SNTG2: variants seen among roughly 807,000 people sequenced by gnomAD.
SNTG2 encodes the protein gamma-2-syntrophin.
SNTG2 carries 74 observed loss-of-function variants against 70.9 expected under a neutral mutation model. That is an observed-to-expected ratio of 1.04 (90% CI 0.86 to 1.27). The LOEUF (loss-of-function observed/expected upper bound fraction) is 1.27. Ranked by LOEUF, SNTG2 falls within the 50% of genes most tolerant of loss-of-function variation. The pLI is 0.00. For missense variants in SNTG2, 717 were observed against 690.7 expected (o/e 1.04, Z -0.43); for synonymous variants, 278 against 273.8 (o/e 1.02, Z -0.15).
intron 16 of SNTG2, chr2:1,340,974 T>C (rs570268040): frequency 1.3e-5 from 2 of 152,242 alleles, no homozygotes; most frequent in Non-Finnish European, 2.9e-5. Context: ...TGCCAGAGTT[T>C]ACGTGCAGTA....
chr2:1,094,499 G>A (rs539830143), intron 2 of SNTG2, among the ~76,000 whole-genome samples: 11 of 69,356 alleles, frequency 1.6e-4, no homozygotes, highest in African/African-American at 7.4e-4. Flanking sequence ...ATATGGTAGA[G>A]TTACTGGCAA....
intron 16 of SNTG2, among the ~76,000 whole-genome samples, chr2:1,361,620 G>T (rs1178768073): frequency 2.0e-5 from 3 of 152,110 alleles, no homozygotes; most frequent in Non-Finnish European, 4.4e-5. Flanking sequence ...GAGCATTTCA[G>T]TAGAACTTCC....
chr2:1,309,681 T>C (rs2148250195), intron 15 of SNTG2, among the ~76,000 whole-genome samples: 1 of 152,358 alleles, frequency 6.6e-6, no homozygotes, highest in South Asian at 2.1e-4. Context: ...CTTTACGGAA[T>C]TCCAGGGCCA....
chr2:1,285,056 G>A (rs1259219503), intron 14 of SNTG2, among the ~76,000 whole-genome samples: 1 of 151,966 alleles, frequency 6.6e-6, no homozygotes, highest in East Asian at 1.9e-4. Flanking sequence ...GAGGAGCAAG[G>A]AAGCCAGTCC....
At chr2:969,648 A>G (rs1174025761) in intron 1 of SNTG2, among the ~76,000 whole-genome samples, 1 of 152,078 alleles carries the variant, frequency 6.6e-6, no homozygotes, top group East Asian at 1.9e-4. Context: ...TTGCTTCTTG[A>G]TTTGGCACTT....
chr2:1,195,196 A>G (rs1315599359), intron 8 of SNTG2, among the ~76,000 whole-genome samples: 2 of 152,132 alleles, frequency 1.3e-5, no homozygotes, highest in Non-Finnish European at 2.9e-5. Context: ...ATGTGTGTGC[A>G]TGTGTCTTTA....
chr2:1,023,253 C>T (rs1464878890), intron 1 of SNTG2, among the ~76,000 whole-genome samples: 1 of 151,996 alleles, frequency 6.6e-6, no homozygotes, highest in Non-Finnish European at 1.5e-5. Context: ...ACCCCCCAGC[C>T]TGGCCTGGAC....
chr2:1,193,158 C>T (rs185025552), intron 8 of SNTG2, among the ~76,000 whole-genome samples: 9 of 152,300 alleles, frequency 5.9e-5, no homozygotes, highest in Admixed American at 6.5e-5. Context: ...AATAGCTTCA[C>T]CCCAAATTCA....
chr2:1,086,115 T>C (rs183066022), intron 2 of SNTG2, among the ~76,000 whole-genome samples: 213 of 152,338 alleles, frequency 1.4e-3, no homozygotes, highest in South Asian at 4.1e-3. Context: ...AGGGATGCTC[T>C]CTGATAAGTT....
At chr2:1,282,299 A>G (rs1679581902) in intron 14 of SNTG2, among the ~76,000 whole-genome samples, 1 of 152,094 alleles carries the variant, frequency 6.6e-6, no homozygotes, top group Non-Finnish European at 1.5e-5. Context: ...ATTCCATACT[A>G]CTAGCACAAT....
chr2:1,053,311 GTT>G (rs57329298), intron 1 of SNTG2, among the ~76,000 whole-genome samples: 3 of 151,912 alleles, frequency 2.0e-5, no homozygotes, highest in African/African-American at 7.3e-5. Context: ...TGCATTAAAA[GTT>G]TTTTTTATTG....
rs947517026 is a variant in SNTG2, at chr2:1,137,751, C to T, written c.370-17C>T. ...TCAATCGTTATTCTCAACATTCTTA[C>T]TTTGTCATCTGTTCAGGTTAATGGC... On this transcript the variant is annotated splice_polypyrimidine_tract_variant and intron_variant, in intron 5 of 16. Coordinates refer to ENST00000308624, the MANE Select transcript of SNTG2 (RefSeq NM_018968.4). The T allele has an allele frequency of 4.3e-6, 7 of 1,613,794 alleles. No individual in the cohort carries two copies. Among genetic ancestry groups the T allele is most frequent in the Middle Eastern group, 1.7e-4 (1 of 6,036 alleles).
chr2:1,328,874 CAT>C (rs1264394611), intron 16 of SNTG2, among the ~76,000 whole-genome samples: 4 of 151,864 alleles, frequency 2.6e-5, no homozygotes, highest in African/African-American at 9.7e-5. Context: ...CACACATACA[CAT>C]GCACACGCAT....
At chr2:1,025,071 CTA>C (rs1660399871) in intron 1 of SNTG2, among the ~76,000 whole-genome samples, 1 of 152,208 alleles carries the variant, frequency 6.6e-6, no homozygotes, top group South Asian at 2.1e-4. Context: ...CAAAATCAAA[CTA>C]TGTTCCCCAC....
intron 16 of SNTG2, among the ~76,000 whole-genome samples, chr2:1,336,156 A>G (rs1179072459): frequency 1.3e-5 from 2 of 152,198 alleles, no homozygotes; most frequent in Non-Finnish European, 2.9e-5. Flanking sequence ...ACCAGACACA[A>G]TAATACCTAC....
At chr2:1,267,264 T>G (rs1678790336) in intron 13 of SNTG2, 101 bp from the exon 14 acceptor site, 3 of 1,123,904 alleles carry the variant, frequency 2.7e-6, no homozygotes, top group East Asian at 5.1e-5. Flanking sequence ...GGAGACCGTT[T>G]CCCAGATCAC....
At chr2:1,032,474 A>G (rs1427678373) in intron 1 of SNTG2, among the ~76,000 whole-genome samples, 1 of 152,236 alleles carries the variant, frequency 6.6e-6, no homozygotes, top group African/African-American at 2.4e-5. Flanking sequence ...AGGTATAGGC[A>G]AGGGAACTCA....
chr2:1,227,395 G>T (rs997909921), intron 9 of SNTG2, among the ~76,000 whole-genome samples: 1 of 152,250 alleles, frequency 6.6e-6, no homozygotes, highest in Admixed American at 6.5e-5. Flanking sequence ...GTGGAGGACA[G>T]TCGGCCCCTG....
intron 8 of SNTG2, among the ~76,000 whole-genome samples, chr2:1,182,532 T>G (rs967008987): frequency 6.6e-6 from 1 of 152,010 alleles, no homozygotes; most frequent in African/African-American, 2.4e-5. Context: ...GCTATAATAA[T>G]AAAAATAAAT....
Sources: gnomAD v4.1 joint callset for allele counts (sites outside exome capture counted in the v4.1 genomes callset) on GRCh38, gnomAD v4.1.1 for gene constraint, MANE v1.5 for transcripts, NCBI Gene and HGNC (gene_info 2026-07-23, HGNC 2026-07-21) for gene names.